The following TUSC3 variants were observed in gnomAD, a reference collection of about 807,000 sequenced individuals.
The protein encoded by TUSC3 is tumor suppressor candidate 3, also known as dolichyl-diphosphooligosaccharide--protein glycosyltransferase subunit TUSC3.
A neutral mutation model predicts 44.8 loss-of-function variants in TUSC3; 45 were observed. The ratio of observed to expected loss-of-function variants is 1.00; its 90% confidence interval spans 0.79 to 1.29. The LOEUF is 1.29. Among genes scored for constraint, TUSC3 ranks in the 50% most tolerant of loss-of-function variants. The pLI is 0.00. For synonymous variants in TUSC3, 212 were observed against 152.9 expected, an observed-to-expected ratio of 1.39 and a Z score of -2.85; for missense variants, 519 against 437.9, an observed-to-expected ratio of 1.19 and a Z score of -1.65.
chr8:15,736,007 C>T (rs1186468542), intron 7 of TUSC3, among the ~76,000 whole-genome samples: 1 of 152,036 alleles, frequency 6.6e-6, no homozygotes, highest in Non-Finnish European at 1.5e-5. Context: ...GGATTACAGG[C>T]ATGAGCCACC....
intron 10 of TUSC3, 109 bp downstream of exon 10, chr8:15,757,964 G>T: frequency 6.6e-7 from 1 of 1,506,306 alleles, no homozygotes; most frequent in Non-Finnish European, 8.9e-7. Context: ...TTTTACAAAT[G>T]TAAGATAACT....
chr8:15,475,792 C>G (rs991551041), intron 1 of TUSC3, among the ~76,000 whole-genome samples: 3 of 152,104 alleles, frequency 2.0e-5, no homozygotes, highest in East Asian at 1.9e-4. Context: ...TATAAAAGTA[C>G]TTGGCATTAA....
chr8:15,483,636 G>T (rs1800693745), intron 2 of TUSC3, among the ~76,000 whole-genome samples: 1 of 119,620 alleles, frequency 8.4e-6, no homozygotes, highest in East Asian at 2.6e-4. Flanking sequence ...GTCGTGCCCA[G>T]CCTAGCACTG....
At chr8:15,601,000 C>A (rs1804265105) in intron 1 of TUSC3, among the ~76,000 whole-genome samples, 1 of 151,406 alleles carries the variant, frequency 6.6e-6, no homozygotes, top group African/African-American at 2.4e-5. Flanking sequence ...AGAAGAAATA[C>A]ACAGGTTCAC....
chr8:15,693,476 G>A (rs1407692706), intron 6 of TUSC3, among the ~76,000 whole-genome samples: 1 of 122,350 alleles, frequency 8.2e-6, no homozygotes, highest in African/African-American at 3.1e-5. Flanking sequence ...AAAGAATGCT[G>A]AATATAGGTT....
intron 1 of TUSC3, among the ~76,000 whole-genome samples, chr8:15,584,011 T>G (rs987407976): frequency 1.3e-5 from 2 of 152,200 alleles, no homozygotes; most frequent in Admixed American, 6.5e-5. Context: ...AGGGGCAGTA[T>G]TTTGTGAGAA....
intron 7 of TUSC3, among the ~76,000 whole-genome samples, chr8:15,738,842 T>C (rs199820340): frequency 7.0e-4 from 40 of 57,136 alleles, no homozygotes; most frequent in Admixed American, 9.9e-4. Flanking sequence ...TTTTTTTTTT[T>C]TTTTTTTTGA....
chr8:15,807,929 G>C, the TUSC3 span, among the ~76,000 whole-genome samples: 4 of 152,192 alleles, frequency 2.6e-5, no homozygotes, highest in Non-Finnish European at 4.4e-5. Flanking sequence ...TCTATATCTG[G>C]GGGACAGAGC....
chr8:15,803,182 CT>C, the TUSC3 span, among the ~76,000 whole-genome samples: 1 of 150,680 alleles, frequency 6.6e-6, no homozygotes, highest in Non-Finnish European at 1.5e-5. Context: ...TCCAAATTGC[CT>C]AAAACGTGCT....
chr8:15,429,238 A>G (rs1799841985), intron 1 of TUSC3, among the ~76,000 whole-genome samples: 1 of 152,152 alleles, frequency 6.6e-6, no homozygotes, highest in African/African-American at 2.4e-5. Flanking sequence ...TCCTTTCCCC[A>G]TTTCTTCTTT....
At chr8:15,687,249 A>G (rs1808675512) in intron 6 of TUSC3, among the ~76,000 whole-genome samples, 1 of 152,150 alleles carries the variant, frequency 6.6e-6, no homozygotes, top group Admixed American at 6.5e-5. Flanking sequence ...GTAGTAGTAC[A>G]GATACATCAT....
At chr8:15,562,235 C>G (rs549738723) in intron 1 of TUSC3, among the ~76,000 whole-genome samples, 159 of 152,166 alleles carry the variant, frequency 1.0e-3, no homozygotes, top group African/African-American at 3.7e-3. Context: ...TGTTATCTTA[C>G]GGTTTTCTTC....
intron 1 of TUSC3, among the ~76,000 whole-genome samples, chr8:15,569,664 C>A (rs570257890): frequency 2.0e-5 from 3 of 152,206 alleles, no homozygotes; most frequent in Middle Eastern, 6.8e-3. Context: ...CCTGGGCTAA[C>A]GGGGACATCT....
rs796734390 is a variant in TUSC3 at position 15,550,061 on chromosome 8, A to T, written c.138+9493A>T. 8.6e-5 allele frequency among the ~76,000 whole-genome samples: 13 copies of T among 151,842 alleles called. 1 individual carries two copies. Among genetic ancestry groups the T allele is most frequent in the African/African-American group, 3.1e-4 (13 of 41,518 alleles). On this transcript the variant is annotated intron_variant, in intron 1 of 10. Coordinates refer to ENST00000503731, the MANE Select transcript of TUSC3 (RefSeq NM_006765.4). ...GGGTACGTGACTGGGGGCTGCTCAC[A>T]CCTGCACCAGTAATTAGAATGGAAC...
At chr8:15,693,252 C>G (rs894989883) in intron 6 of TUSC3, among the ~76,000 whole-genome samples, 1 of 152,106 alleles carries the variant, frequency 6.6e-6, no homozygotes, top group Non-Finnish European at 1.5e-5. Context: ...TACAGTGTCA[C>G]TGGTGTATGT....
intron 7 of TUSC3, among the ~76,000 whole-genome samples, chr8:15,738,859 G>A (rs1273734635): frequency 3.9e-5 from 2 of 50,990 alleles, no homozygotes; most frequent in African/African-American, 7.1e-5. Context: ...TTGAGAGGGA[G>A]TCTCACTCTG....
the TUSC3 span, among the ~76,000 whole-genome samples, chr8:15,790,738 A>G: frequency 6.6e-6 from 1 of 152,136 alleles, no homozygotes; most frequent in Non-Finnish European, 1.5e-5. Context: ...CACACAAATG[A>G]TAGAACTGGT....
chr8:15,422,948 T>A (rs1799755985), intron 1 of TUSC3, among the ~76,000 whole-genome samples: 1 of 152,142 alleles, frequency 6.6e-6, no homozygotes, highest in Non-Finnish European at 1.5e-5. Context: ...CACCCAGTAT[T>A]AATTCACTTA....
chr8:15,782,353 C>T, the TUSC3 span, among the ~76,000 whole-genome samples: 1 of 151,932 alleles, frequency 6.6e-6, no homozygotes, highest in Non-Finnish European at 1.5e-5. Context: ...GTGTCATGTG[C>T]CTGTAGTCAT....
Sources: gnomAD v4.1 joint callset for allele counts (sites outside exome capture counted in the v4.1 genomes callset) on GRCh38, gnomAD v4.1.1 for gene constraint, MANE v1.5 for transcripts, NCBI Gene and HGNC (gene_info 2026-07-23, HGNC 2026-07-21) for gene names.